The following KCNIP3 variants were observed in gnomAD, a reference collection of about 807,000 sequenced individuals.
KCNIP3 encodes potassium voltage-gated channel interacting protein 3.
A neutral mutation model predicts 35.0 loss-of-function variants in KCNIP3; 28 were observed. The ratio of observed to expected loss-of-function variants is 0.80; its 90% CI spans 0.59 to 1.10. The LOEUF (loss-of-function observed/expected upper bound fraction) is 1.10. KCNIP3 is among the 50% of genes least tolerant of loss of function. The pLI, the probability that KCNIP3 is intolerant of heterozygous loss-of-function variation, is 0.00. For missense variants in KCNIP3, 295 were observed against 338.4 expected (o/e 0.87, Z 1.01); for synonymous variants, 134 against 133.8 (o/e 1.00, Z -0.01).
intron 1 of KCNIP3, among the ~76,000 whole-genome samples, chr2:95,299,336 T>C (rs1363119257): frequency 3.3e-5 from 5 of 152,052 alleles, no homozygotes; most frequent in Non-Finnish European, 5.9e-5. Flanking sequence ...CAATGGGAGA[T>C]TGTGAAAAAT....
chr2:95,373,324 TG>T (rs548671046), intron 2 of KCNIP3, among the ~76,000 whole-genome samples: 1 of 151,852 alleles, frequency 6.6e-6, no homozygotes, highest in Non-Finnish European at 1.5e-5. Context: ...ATTAGGAAAA[TG>T]TTTTTTAAAA....
chr2:95,315,821 A>T (rs1678444368), intron 2 of KCNIP3, among the ~76,000 whole-genome samples: 1 of 152,120 alleles, frequency 6.6e-6, no homozygotes, highest in Non-Finnish European at 1.5e-5. Flanking sequence ...GTACTGTGGG[A>T]GTCGCAGCCC....
At chr2:95,361,136 C>G (rs1679789595) in intron 2 of KCNIP3, among the ~76,000 whole-genome samples, 1 of 152,142 alleles carries the variant, frequency 6.6e-6, no homozygotes, top group Admixed American at 6.5e-5. Flanking sequence ...AGTAAAAAGC[C>G]CAAGTTTCCT....
intron 2 of KCNIP3, among the ~76,000 whole-genome samples, chr2:95,324,523 GATAAATAA>G (rs140027632): frequency 4.8e-5 from 7 of 145,760 alleles, no homozygotes; most frequent in East Asian, 2.0e-4. Context: ...AAAATAAATA[GATAAATAA>G]ATAAATAAAT....
chr2:95,324,284 G>C (rs1678669507), intron 2 of KCNIP3, among the ~76,000 whole-genome samples: 1 of 152,184 alleles, frequency 6.6e-6, no homozygotes, highest in South Asian at 2.1e-4. Flanking sequence ...GGCCGAGGCA[G>C]GCGGATCACG....
At chr2:95,339,847 T>C (rs1474415216) in intron 2 of KCNIP3, among the ~76,000 whole-genome samples, 1 of 152,240 alleles carries the variant, frequency 6.6e-6, no homozygotes, top group African/African-American at 2.4e-5. Flanking sequence ...CCTTTCTCCC[T>C]GGGTGAGAGT....
At chr2:95,358,027 T>C (rs553077160) in intron 2 of KCNIP3, among the ~76,000 whole-genome samples, 2 of 152,192 alleles carry the variant, frequency 1.3e-5, no homozygotes, top group Non-Finnish European at 2.9e-5. Context: ...GAATGGAGTG[T>C]GTTCAGGAGG....
At position 95,317,299 on chromosome 2, in the gene KCNIP3, C is replaced by T. The variant is rs533297311; in HGVS notation, c.181+6779C>T. Among the ~76,000 whole-genome samples the T allele has an allele frequency of 2.0e-5, 3 of 152,370 alleles. No individual in the cohort carries two copies. In the East Asian group the frequency reaches 5.8e-4, roughly 29 times the overall value. ...GATAATCACACCAGTGTCACCTCCT[C>T]TGTTGGTGCTGGGAGCTCAGGAGTG... On this transcript the variant is annotated intron_variant, in intron 2 of 8. Coordinates refer to ENST00000295225, the MANE Select transcript of KCNIP3 (RefSeq NM_013434.5).
chr2:95,356,206 T>C (rs1558772823), intron 2 of KCNIP3, among the ~76,000 whole-genome samples: 3 of 152,210 alleles, frequency 2.0e-5, no homozygotes, highest in Non-Finnish European at 2.9e-5. Flanking sequence ...TGTTTTTTTT[T>C]CTTGTAAATT....
intron 2 of KCNIP3, among the ~76,000 whole-genome samples, chr2:95,356,630 G>A (rs1326678602): frequency 1.3e-5 from 2 of 152,020 alleles, no homozygotes; most frequent in Non-Finnish European, 2.9e-5. Context: ...TCTTGTTTTT[G>A]TCAGGTTTGT....
chr2:95,374,289 A>G lies in KCNIP3; in HGVS notation c.182-7A>G, dbSNP rs749112524. On this transcript the variant is annotated splice_region_variant and splice_polypyrimidine_tract_variant and intron_variant, in intron 2 of 8. Transcript: ENST00000295225. ...CCTTACACTCTCTGGTCTGTGTCCC[A>G]CTCCAGATAGCAGCGACAGTGAGCT... is the stretch of plus-strand genomic sequence containing the variant. The G allele has an allele frequency of 6.8e-6, 11 of 1,613,424 alleles. No homozygotes were observed. The South Asian group carries it at 9.9e-5, about 14-fold the overall frequency.
At chr2:95,370,971 G>T (rs531177551) in intron 2 of KCNIP3, among the ~76,000 whole-genome samples, 2 of 151,998 alleles carry the variant, frequency 1.3e-5, no homozygotes, top group African/African-American at 4.8e-5. Context: ...GTTTCGCCAT[G>T]TTGGCCAGGC....
chr2:95,324,541 TA>T (rs1027507395), intron 2 of KCNIP3, among the ~76,000 whole-genome samples: 82 of 150,562 alleles, frequency 5.4e-4, no homozygotes, highest in Middle Eastern at 3.4e-3. Flanking sequence ...AATAAATAAA[TA>T]AATAAATAAA....
At chr2:95,310,608 T>C in intron 2 of KCNIP3, 88 bp downstream of exon 2, 1 of 1,466,452 alleles carries the variant, frequency 6.8e-7, no homozygotes, top group Admixed American at 1.7e-5. Flanking sequence ...AAGGCCAGCC[T>C]GGGACCCCAG....
At chr2:95,297,615 C>T (rs777986742) in intron 1 of KCNIP3, among the ~76,000 whole-genome samples, 162 bp downstream of exon 1, 53 of 151,720 alleles carry the variant, frequency 3.5e-4, no homozygotes, top group Non-Finnish European at 6.6e-4. Context: ...TCCTGGCTGG[C>T]GCTGGGGTGT....
At chr2:95,342,331 C>T (rs1679213010) in intron 2 of KCNIP3, among the ~76,000 whole-genome samples, 1 of 152,204 alleles carries the variant, frequency 6.6e-6, no homozygotes, top group Non-Finnish European at 1.5e-5. Flanking sequence ...CTTTCCAGTT[C>T]CTACCTTATC....
intron 2 of KCNIP3, among the ~76,000 whole-genome samples, chr2:95,337,266 G>T (rs1459648613): frequency 1.3e-5 from 2 of 152,100 alleles, no homozygotes; most frequent in African/African-American, 4.8e-5. Flanking sequence ...GAGGATCATT[G>T]CCTCGAGAAA....
chr2:95,339,419 A>G (rs1285585677), intron 2 of KCNIP3, among the ~76,000 whole-genome samples: 2 of 152,084 alleles, frequency 1.3e-5, no homozygotes, highest in African/African-American at 4.8e-5. Flanking sequence ...GTCTCTACCA[A>G]AAAAACACAC....
At chr2:95,322,150 A>G (rs1171540791) in intron 2 of KCNIP3, among the ~76,000 whole-genome samples, 2 of 152,144 alleles carry the variant, frequency 1.3e-5, no homozygotes, top group Non-Finnish European at 2.9e-5. Context: ...AGATTGCTTG[A>G]GCCCAGGAGT....
Sources: gnomAD v4.1 joint callset for allele counts (sites outside exome capture counted in the v4.1 genomes callset) on GRCh38, gnomAD v4.1.1 for gene constraint, MANE v1.5 for transcripts, NCBI Gene and HGNC (gene_info 2026-07-23, HGNC 2026-07-21) for gene names.